The following NCKAP5 variants were observed in gnomAD, a reference collection of about 807,000 sequenced individuals.
The protein encoded by NCKAP5 is nck-associated protein 5.
NCKAP5 carries 92 observed loss-of-function variants against 167.0 expected under a neutral mutation model. The ratio of observed to expected loss-of-function variants is 0.55; its 90% confidence interval spans 0.47 to 0.66. The LOEUF (loss-of-function observed/expected upper bound fraction) is 0.66, where lower values mean the gene tolerates loss of function less well. Ranked by LOEUF, NCKAP5 falls within the 30% of genes least tolerant of loss-of-function variation. The pLI is 0.00. For missense variants in NCKAP5, 2,378 were observed against 2,315.0 expected (o/e 1.03, Z -0.56); for synonymous variants, 891 against 877.4 (o/e 1.02, Z -0.27).
At chr2:133,552,017 G>C (rs1274605772) in intron 2 of NCKAP5, among the ~76,000 whole-genome samples, 2 of 131,162 alleles carry the variant, frequency 1.5e-5, no homozygotes, top group Non-Finnish European at 3.2e-5. Flanking sequence ...CTGGCCATCA[G>C]GGAAATGCAA....
intron 19 of NCKAP5, among the ~76,000 whole-genome samples, chr2:132,712,643 T>C (rs2566522): frequency 0.65 from 98,483 of 151,710 alleles, 32,061 homozygotes; most frequent in East Asian, 0.86. Flanking sequence ...CAGAGTGAGA[T>C]TCTGTCTCAA....
At chr2:132,803,708 C>A (rs189222321) in intron 11 of NCKAP5, among the ~76,000 whole-genome samples, 1 of 152,182 alleles carries the variant, frequency 6.6e-6, no homozygotes, top group Admixed American at 6.5e-5. Context: ...AAACAGCAGA[C>A]CTTGCCCTAA....
intron 3 of NCKAP5, among the ~76,000 whole-genome samples, chr2:133,303,522 C>G (rs911774700): frequency 6.6e-6 from 1 of 152,070 alleles, no homozygotes; most frequent in Non-Finnish European, 1.5e-5. Context: ...TGTTTTCAAA[C>G]TATGTAGAAT....
chr2:132,955,352 C>T (rs1020723218), intron 8 of NCKAP5, among the ~76,000 whole-genome samples: 1 of 152,100 alleles, frequency 6.6e-6, no homozygotes, highest in Admixed American at 6.5e-5. Flanking sequence ...TGGCACTGGG[C>T]ACATGTGGGA....
chr2:132,675,300 A>G (rs778684615), intron 19 of NCKAP5, among the ~76,000 whole-genome samples: 1 of 152,242 alleles, frequency 6.6e-6, no homozygotes, highest in Non-Finnish European at 1.5e-5. Flanking sequence ...GAGTGCTACA[A>G]GCATCCTTCT....
chr2:133,660,916 T>G, the NCKAP5 span, among the ~76,000 whole-genome samples: 1 of 151,802 alleles, frequency 6.6e-6, no homozygotes, highest in African/African-American at 2.4e-5. Flanking sequence ...CCTGAATGAT[T>G]TGTATCACCC....
intron 4 of NCKAP5, among the ~76,000 whole-genome samples, chr2:133,235,276 G>A (rs1182188690): frequency 6.6e-6 from 1 of 152,072 alleles, no homozygotes; most frequent in Non-Finnish European, 1.5e-5. Context: ...AGTGACCAAT[G>A]TGCACATTCC....
chr2:132,675,620 A>G (rs567301890), intron 19 of NCKAP5, among the ~76,000 whole-genome samples: 7 of 152,330 alleles, frequency 4.6e-5, no homozygotes, highest in African/African-American at 1.7e-4. Context: ...TTTGAGACCC[A>G]CTGGTCTAGA....
At chr2:133,473,255 C>T (rs548489088) in intron 3 of NCKAP5, among the ~76,000 whole-genome samples, 1 of 152,162 alleles carries the variant, frequency 6.6e-6, no homozygotes, top group East Asian at 1.9e-4. Flanking sequence ...TCGCTTGAAC[C>T]CGGGAGTCAG....
intron 11 of NCKAP5, among the ~76,000 whole-genome samples, chr2:132,841,840 C>T (rs553900778): frequency 6.6e-6 from 1 of 152,202 alleles, no homozygotes; most frequent in South Asian, 2.1e-4. Flanking sequence ...TATTGAACTA[C>T]TCTGGCACTT....
intron 2 of NCKAP5, among the ~76,000 whole-genome samples, chr2:133,535,796 G>A (rs562834761): frequency 2.0e-4 from 30 of 152,156 alleles, no homozygotes; most frequent in African/African-American, 7.2e-4. Flanking sequence ...ATTTTTGTCA[G>A]CATCTTTTGA....
At chr2:132,726,457 T>C (rs964216734) in intron 18 of NCKAP5, among the ~76,000 whole-genome samples, 7 of 152,184 alleles carry the variant, frequency 4.6e-5, no homozygotes, top group Non-Finnish European at 8.8e-5. Flanking sequence ...GTATGAACAG[T>C]ATTCCCCTCT....
chr2:133,528,393 T>C (rs898935771), intron 2 of NCKAP5, among the ~76,000 whole-genome samples: 2 of 151,622 alleles, frequency 1.3e-5, no homozygotes, highest in African/African-American at 4.9e-5. Context: ...ATAAAAGGAG[T>C]TCTATGGATA....
chr2:132,885,737 T>C (rs991229949), intron 8 of NCKAP5, among the ~76,000 whole-genome samples: 9 of 152,216 alleles, frequency 5.9e-5, no homozygotes, highest in African/African-American at 1.4e-4. Context: ...TTACGAATGA[T>C]TGAAAAATCT....
At chr2:132,964,924 A>C (rs2076617124) in intron 7 of NCKAP5, among the ~76,000 whole-genome samples, 1 of 152,206 alleles carries the variant, frequency 6.6e-6, no homozygotes, top group African/African-American at 2.4e-5. Context: ...AACTGTGCTC[A>C]TCAAGGTACT....
At chr2:133,304,429 T>G (rs919582986) in intron 3 of NCKAP5, among the ~76,000 whole-genome samples, 1 of 152,248 alleles carries the variant, frequency 6.6e-6, no homozygotes. Context: ...AGTTTTATGC[T>G]TATTGAATAA....
chr2:133,464,386 T>C (rs1304626885), intron 3 of NCKAP5, among the ~76,000 whole-genome samples: 2 of 152,320 alleles, frequency 1.3e-5, no homozygotes, highest in Admixed American at 6.5e-5. Flanking sequence ...AAACATTTGC[T>C]AAATGAATAA....
At chr2:133,629,532 G>T in the NCKAP5 span, among the ~76,000 whole-genome samples, 4 of 152,118 alleles carry the variant, frequency 2.6e-5, no homozygotes, top group Admixed American at 2.6e-4. Context: ...CTCTTGGTGG[G>T]AATGTAAATT....
At chr2:132,675,937 C>G (rs551170740) in intron 19 of NCKAP5, among the ~76,000 whole-genome samples, 2 of 151,848 alleles carry the variant, frequency 1.3e-5, no homozygotes, top group Non-Finnish European at 2.9e-5. Context: ...TATTACTTGA[C>G]TGTAAAAACA....
Sources: gnomAD v4.1 joint callset for allele counts (sites outside exome capture counted in the v4.1 genomes callset) on GRCh38, gnomAD v4.1.1 for gene constraint, MANE v1.5 for transcripts, NCBI Gene and HGNC (gene_info 2026-07-23, HGNC 2026-07-21) for gene names.